The following CTXND2 variants were observed in gnomAD, a reference collection of about 807,000 sequenced individuals.
CTXND2 encodes the protein cortexin domain containing 2.
chr1:150,904,188 AT>A, intron 1 of CTXND2: 1 of 630,884 alleles, frequency 1.6e-6, no homozygotes, highest in Non-Finnish European at 2.9e-6. Context: ...TTGACAGCTT[AT>A]CTCAAAAAAG....
At chr1:150,889,118 T>G (rs1360670003) in intron 1 of CTXND2, among the ~76,000 whole-genome samples, 3 of 152,056 alleles carry the variant, frequency 2.0e-5, no homozygotes, top group Non-Finnish European at 4.4e-5. Context: ...CCTTAAAATA[T>G]CTGCCACTCC....
chr1:150,904,258 A>G (rs1669097584), intron 1 of CTXND2: 1 of 524,760 alleles, frequency 1.9e-6, no homozygotes, highest in African/African-American at 1.9e-5. Context: ...TGTCTCATGA[A>G]TTTTTCATGT....
At position 150,896,953 on chromosome 1, in the gene CTXND2, G is replaced by C. The variant is rs113443528; in HGVS notation, c.-74+9640G>C. On this transcript the variant is annotated intron_variant, in intron 1 of 1. Coordinates refer to ENST00000636087, the Ensembl canonical transcript of CTXND2. Reference sequence around the variant, plus strand: ...GCAAAGCCTAGAAGTTGAATATAGAGGGAAGAGAATAACACAAAGAGAATG... The same window carrying C: ...GCAAAGCCTAGAAGTTGAATATAGACGGAAGAGAATAACACAAAGAGAATG... 8.4e-3 allele frequency among the ~76,000 whole-genome samples: 1,286 copies of C among 152,238 alleles called. 7 individuals are homozygous for C. The highest frequency in any genetic ancestry group is 0.012 in the Non-Finnish European group (811 of 68,018).
intron 1 of CTXND2, among the ~76,000 whole-genome samples, chr1:150,909,948 A>G (rs758801104): frequency 3.9e-5 from 6 of 152,094 alleles, no homozygotes; most frequent in Non-Finnish European, 7.4e-5. Flanking sequence ...ACTTGTGACC[A>G]ATGAGGGGTC....
chr1:150,908,773 C>T (rs1009582146), intron 1 of CTXND2, among the ~76,000 whole-genome samples: 1 of 148,578 alleles, frequency 6.7e-6, no homozygotes, highest in Non-Finnish European at 1.5e-5. Flanking sequence ...CACACATATG[C>T]CACACACCTA....
At chr1:150,903,427 G>A (rs914413142) in intron 1 of CTXND2, among the ~76,000 whole-genome samples, 1 of 151,880 alleles carries the variant, frequency 6.6e-6, no homozygotes, top group Non-Finnish European at 1.5e-5. Context: ...CTGGCCAGAC[G>A]TTCTCTTTGA....
chr1:150,892,585 T>C (rs1668867272), intron 1 of CTXND2, among the ~76,000 whole-genome samples: 1 of 151,000 alleles, frequency 6.6e-6, no homozygotes, highest in Admixed American at 6.6e-5. Context: ...CCAGCCTGGA[T>C]TGCAGTGGTA....
At chr1:150,892,988 C>T (rs918231939) in intron 1 of CTXND2, among the ~76,000 whole-genome samples, 1 of 152,158 alleles carries the variant, frequency 6.6e-6, no homozygotes, top group African/African-American at 2.4e-5. Flanking sequence ...TATGCTGAAT[C>T]CACAAACATA....
At chr1:150,903,889 A>T in intron 1 of CTXND2, 1 of 614,322 alleles carries the variant, frequency 1.6e-6, no homozygotes, top group Non-Finnish European at 3.1e-6. Context: ...GAAAAAGAGA[A>T]TTAAATATGG....
At chr1:150,903,905 G>A in intron 1 of CTXND2, 1 of 633,136 alleles carries the variant, frequency 1.6e-6, no homozygotes. Flanking sequence ...TATGGGTGAT[G>A]TTGAGAAAGG....
At chr1:150,905,572 A>G (rs899910656) in intron 1 of CTXND2, among the ~76,000 whole-genome samples, 1 of 152,182 alleles carries the variant, frequency 6.6e-6, no homozygotes, top group Non-Finnish European at 1.5e-5. Flanking sequence ...TTGAAGGCAC[A>G]ATACTACTTA....
At chr1:150,911,409 G>GT (rs1038751543) in intron 1 of CTXND2, among the ~76,000 whole-genome samples, 24 of 148,986 alleles carry the variant, frequency 1.6e-4, no homozygotes, top group Admixed American at 4.7e-4. Context: ...AAGGTTTTGG[G>GT]TTTTTTTTTC....
At chr1:150,907,398 A>C (rs924800076) in intron 1 of CTXND2, among the ~76,000 whole-genome samples, 5 of 152,202 alleles carry the variant, frequency 3.3e-5, no homozygotes, top group Non-Finnish European at 7.3e-5. Context: ...TTCTAGACTT[A>C]CATGTGAATG....
At chr1:150,910,700 C>T (rs936868002) in intron 1 of CTXND2, among the ~76,000 whole-genome samples, 1 of 150,378 alleles carries the variant, frequency 6.6e-6, no homozygotes, top group Non-Finnish European at 1.5e-5. Flanking sequence ...AGCATGCTCT[C>T]GGCTCACTGC....
intron 1 of CTXND2, among the ~76,000 whole-genome samples, chr1:150,905,205 G>A (rs7535848): frequency 6.7e-6 from 1 of 148,796 alleles, no homozygotes; most frequent in East Asian, 2.0e-4. Context: ...GTGCAAGGGT[G>A]TAATTTTGGC....
In CTXND2 at chr1:150,892,418, T is replaced by C. The variant is rs375612026; in HGVS notation, c.-74+5105T>C. Among the ~76,000 whole-genome samples the C allele has an allele frequency of 5.3e-4, 81 of 152,224 alleles. 1 individual carries two copies. The highest frequency in any genetic ancestry group is 1.9e-3 in the African/African-American group (79 of 41,560). On this transcript the variant is annotated intron_variant, in intron 1 of 1. Transcript: ENST00000636087. Reference sequence around the variant, plus strand: ...CTCTCTAGGGGTATCTATGCCCACATACCTACCCCGTTGTCATAAACCCTA... The same window carrying C: ...CTCTCTAGGGGTATCTATGCCCACACACCTACCCCGTTGTCATAAACCCTA...
chr1:150,898,258 A>G (rs889068483), intron 1 of CTXND2, among the ~76,000 whole-genome samples: 1 of 152,028 alleles, frequency 6.6e-6, no homozygotes, highest in African/African-American at 2.4e-5. Flanking sequence ...TTATCTGCAG[A>G]TGCCTCAGAG....
At chr1:150,894,462 A>G (rs374241947) in intron 1 of CTXND2, among the ~76,000 whole-genome samples, 1 of 152,210 alleles carries the variant, frequency 6.6e-6, no homozygotes, top group Middle Eastern at 3.2e-3. Context: ...AATACTTGAG[A>G]AGAATGTGTG....
At chr1:150,913,004 C>G (rs1039715256) in exon 2 of CTXND2, 1 of 152,158 alleles carries the variant, frequency 6.6e-6, no homozygotes, top group African/African-American at 2.4e-5. Flanking sequence ...TAATCTCTCT[C>G]ATCCCAAATT....
Sources: allele counts gnomAD v4.1 joint callset (sites outside exome capture counted in the v4.1 genomes callset), GRCh38; gene constraint gnomAD v4.1.1; transcripts MANE v1.5; gene names NCBI Gene and HGNC (gene_info 2026-07-23, HGNC 2026-07-21).